Variants in FAT4 observed in about 807,000 individuals in gnomAD.
The protein encoded by FAT4 is protocadherin Fat 4.
Under a neutral mutation model 303.9 loss-of-function variants are expected in FAT4, and 84 were observed. The observed-to-expected ratio is 0.28, with a 90% CI of 0.23 to 0.33. FAT4 has a LOEUF of 0.33. Ranked by LOEUF, FAT4 falls within the 10% of genes least tolerant of loss-of-function variation. FAT4 has a pLI of 1.00. For missense variants in FAT4, 6,005 were observed against 6,146.8 expected, an observed-to-expected ratio of 0.98 and a Z score of 0.77; for synonymous variants, 2,307 against 2,298.8, an observed-to-expected ratio of 1.00 and a Z score of -0.10.
intron 9 of FAT4, 131 bp downstream of exon 9, chr4:125,446,674 G>A: frequency 1.1e-6 from 1 of 935,796 alleles, no homozygotes; most frequent in Non-Finnish European, 1.5e-6. Context: ...CTAAAATTCA[G>A]GTTGTTTTGT....
Position 125,414,910 on chromosome 4 carries a change from A to G in FAT4, c.5947A>G (p.Ile1983Val), listed in dbSNP as rs1453313706. 3 of 1,603,358 alleles carry G rather than the reference A, an allele frequency of 1.9e-6. No individual in the cohort carries two copies. The highest frequency in any genetic ancestry group is 2.6e-6 in the Non-Finnish European group (3 of 1,171,950). Residue 1983 changes from isoleucine (I) to valine (V), a missense_variant, in exon 6 of 18, where the codon ATT becomes GTT. Physicochemically the swap from Ile to Val is conservative, Grantham distance 29 (BLOSUM62 3). Coordinates refer to ENST00000394329, the MANE Select transcript of FAT4 (RefSeq NM_001291303.3). ...CATCAACTCTCAATTGACTTATAGC[A>G]TTGCTTCAGGTGATAGCCTTGGGCA... ...DGINSQLTYS[I>V]ASGDSLGQFT...
At chr4:125,354,362 A>G (rs1276754276) in intron 2 of FAT4, among the ~76,000 whole-genome samples, 4 of 151,830 alleles carry the variant, frequency 2.6e-5, no homozygotes, top group South Asian at 2.1e-4. Flanking sequence ...GAAAAGAATA[A>G]CTAAGATACT....
chr4:125,484,848 TG>T (rs1278104273), intron 16 of FAT4, among the ~76,000 whole-genome samples: 1 of 151,834 alleles, frequency 6.6e-6, no homozygotes, highest in Non-Finnish European at 1.5e-5. Context: ...TGAAGATTTT[TG>T]GGGGGATGGG....
chr4:125,479,766 A>G lies in FAT4; in HGVS notation c.12505A>G (p.Thr4169Ala). Residue 4169 changes from threonine to alanine, a missense_variant, in exon 15 of 18, where the codon ACT becomes GCT. Transcript: ENST00000394329. ...ATGCCCTAGGCTGGAAGGCGCTTGT[A>G]CTCGCAGCCCATGCCAACATGGTGG... is the stretch of plus-strand genomic sequence containing the variant. ...DQCPRLEGAC[T>A]RSPCQHGGTC... 6.3e-7 allele frequency: 1 copy of G among 1,597,684 alleles called. No individual in the cohort carries two copies. The highest frequency in any genetic ancestry group is 1.1e-5 in the South Asian group (1 of 89,002).
intron 8 of FAT4, among the ~76,000 whole-genome samples, chr4:125,437,624 G>A (rs1279156581): frequency 6.6e-6 from 1 of 152,072 alleles, no homozygotes; most frequent in Non-Finnish European, 1.5e-5. Context: ...AGGTACAACT[G>A]AACTTCTTCC....
At chr4:125,474,724 AG>A (rs1437704420) in intron 12 of FAT4, among the ~76,000 whole-genome samples, 3 of 152,048 alleles carry the variant, frequency 2.0e-5, no homozygotes, top group Non-Finnish European at 4.4e-5. Flanking sequence ...AATTTTTACA[AG>A]TCTCCCATTT....
chr4:125,414,652 G>GA (rs2126026539), intron 5 of FAT4, among the ~76,000 whole-genome samples: 1 of 152,110 alleles, frequency 6.6e-6, no homozygotes, highest in African/African-American at 2.4e-5. Context: ...GAAATATATA[G>GA]AAAAATATCT....
chr4:125,410,164 G>C (rs972530721), intron 5 of FAT4, among the ~76,000 whole-genome samples: 1 of 152,094 alleles, frequency 6.6e-6, no homozygotes, highest in African/African-American at 2.4e-5. Flanking sequence ...AGAGCATTTT[G>C]ATGTTTCCTC....
At chr4:125,391,911 A>G (rs1161607334) in intron 2 of FAT4, among the ~76,000 whole-genome samples, 2 of 152,136 alleles carry the variant, frequency 1.3e-5, no homozygotes, top group Non-Finnish European at 2.9e-5. Flanking sequence ...AAATGTAAAA[A>G]TGACCTGGAT....
chr4:125,490,327 T>C lies in FAT4; in HGVS notation c.13511T>C (p.Leu4504Ser). 6.2e-7 allele frequency: 1 copy of C among 1,614,148 alleles called. No homozygotes were observed. Among genetic ancestry groups the C allele is most frequent in the African/African-American group, 1.3e-5 (1 of 75,030 alleles). The change falls in exon 18 of 18, where the codon TTG becomes TCG. Residue 4504 changes from leucine to serine, a missense_variant. Transcript: ENST00000394329. ...GGCCCTGAAGAGATCTCTCTGCCTT[T>C]GTGGGCTGTGCCTGCCATCGTGGGC... is the stretch of plus-strand genomic sequence containing the variant. The part of the protein sequence containing the change: ...SQGPEEISLP[L>S]WAVPAIVGSC...
intron 14 of FAT4, among the ~76,000 whole-genome samples, chr4:125,478,972 T>C (rs1727128464): frequency 6.6e-6 from 1 of 152,100 alleles, no homozygotes; most frequent in Admixed American, 6.5e-5. Context: ...TCCCTTCACT[T>C]CCTGAACATA....
chr4:125,398,107 T>C (rs529881543), intron 2 of FAT4, among the ~76,000 whole-genome samples: 2 of 152,280 alleles, frequency 1.3e-5, no homozygotes, highest in South Asian at 2.1e-4. Flanking sequence ...AAACATTTTT[T>C]CTTAGGTGAG....
intron 2 of FAT4, among the ~76,000 whole-genome samples, chr4:125,360,935 T>TTAA (rs199522632): frequency 1.4e-5 from 2 of 146,130 alleles, no homozygotes; most frequent in Admixed American, 1.4e-4. Flanking sequence ...ATTTATTTAT[T>TTAA]TTATTATTTT....
chr4:125,409,321 A>G (rs796675260), intron 5 of FAT4, among the ~76,000 whole-genome samples: 17 of 151,934 alleles, frequency 1.1e-4, no homozygotes, highest in African/African-American at 3.6e-4. Flanking sequence ...CAATGATGCA[A>G]TCTCAGCTCA....
chr4:125,316,344 T>C lies in FAT4; in HGVS notation c.-12-56T>C, dbSNP rs923518964. 51 of 1,525,000 alleles carry C rather than the reference T, an allele frequency of 3.3e-5. No homozygotes were observed. The highest frequency in any genetic ancestry group is 3.5e-6 in the Non-Finnish European group (4 of 1,137,560). 94.5% of individuals were successfully genotyped at this position (1,525,000 alleles called of 1,614,324 possible). Reference sequence around the variant, plus strand: ...ATCTTTGCTGGCGCTCCTTAATCCCTGTAAATATCATTGCGTTTGCTTCAC... The same window carrying C: ...ATCTTTGCTGGCGCTCCTTAATCCCCGTAAATATCATTGCGTTTGCTTCAC... On this transcript the variant is annotated intron_variant, in intron 1 of 17. Transcript: ENST00000394329. This position sits in a 1 kb window ranked among gnomAD's most constrained non-coding sequence, Gnocchi z 5.7.
At chr4:125,440,617 G>GAGAGAGAT (rs2126049576) in intron 8 of FAT4, among the ~76,000 whole-genome samples, 1 of 145,436 alleles carries the variant, frequency 6.9e-6, no homozygotes, top group Admixed American at 6.9e-5. Flanking sequence ...GTGTGAGAGA[G>GAGAGAGAT]AGAGAGAGAG....
intron 2 of FAT4, among the ~76,000 whole-genome samples, chr4:125,367,380 A>C (rs945327799): frequency 6.6e-6 from 1 of 152,238 alleles, no homozygotes; most frequent in South Asian, 2.1e-4. Flanking sequence ...GAAGAACACA[A>C]AGGTTATAGA....
At chr4:125,359,060 A>C (rs983380287) in intron 2 of FAT4, among the ~76,000 whole-genome samples, 1 of 152,208 alleles carries the variant, frequency 6.6e-6, no homozygotes, top group Admixed American at 6.5e-5. Context: ...GATCAGACTT[A>C]GTGGACAAAT....
At chr4:125,348,252 C>A (rs1461760716) in intron 2 of FAT4, among the ~76,000 whole-genome samples, 1 of 151,864 alleles carries the variant, frequency 6.6e-6, no homozygotes, top group East Asian at 1.9e-4. Context: ...ATGTTTATCA[C>A]ATAAATTGGA....
Sources: allele counts gnomAD v4.1 joint callset (sites outside exome capture counted in the v4.1 genomes callset), GRCh38; gene constraint gnomAD v4.1.1; non-coding constraint Gnocchi (gnomAD v3.1); transcripts MANE v1.5; gene names NCBI Gene and HGNC (gene_info 2026-07-23, HGNC 2026-07-21).